Variants in ANKRD28 observed in about 807,000 individuals in gnomAD.
ANKRD28 encodes the protein serine/threonine-protein phosphatase 6 regulatory ankyrin repeat subunit A.
In ANKRD28, 44 loss-of-function variants were observed where a neutral mutation model predicts 126.5. The observed-to-expected ratio is 0.35, with a 90% CI of 0.27 to 0.45. The LOEUF is 0.45. ANKRD28 is among the 20% of genes least tolerant of loss of function. The pLI, the probability that ANKRD28 is intolerant of heterozygous loss-of-function variation, is 1.00. For synonymous variants in ANKRD28, 442 were observed against 468.5 expected, an observed-to-expected ratio of 0.94 and a Z score of 0.73; for missense variants, 1,110 against 1,316.6, an observed-to-expected ratio of 0.84 and a Z score of 2.43.
intron 3 of ANKRD28, among the ~76,000 whole-genome samples, chr3:15,763,761 G>T (rs967388000): frequency 1.3e-5 from 2 of 152,152 alleles, no homozygotes; most frequent in Non-Finnish European, 2.9e-5. Flanking sequence ...AGGAATTCAA[G>T]TCAGAAGAAA....
intron 4 of ANKRD28, among the ~76,000 whole-genome samples, chr3:15,742,575 G>A (rs1249579995): frequency 8.3e-6 from 1 of 120,792 alleles, no homozygotes; most frequent in Non-Finnish European, 1.7e-5. Flanking sequence ...GAGCATCTCT[G>A]CCCAGCAGCC....
At chr3:15,758,214 G>C (rs1236264845) in intron 3 of ANKRD28, among the ~76,000 whole-genome samples, 3 of 152,176 alleles carry the variant, frequency 2.0e-5, no homozygotes, top group African/African-American at 7.2e-5. Context: ...CCAGTGAGCT[G>C]GGCCAGAAGC....
chr3:15,670,139 G>T lies in ANKRD28; in HGVS notation c.*131C>A. 9.8e-6 allele frequency: 10 copies of T among 1,022,450 alleles called. No homozygotes were observed. The highest frequency in any genetic ancestry group is 1.3e-5 in the Non-Finnish European group (9 of 712,746). 63.3% of individuals were successfully genotyped at this position (1,022,450 alleles called of 1,614,324 possible). On this transcript the variant is annotated 3_prime_UTR_variant, in exon 28 of 28. Coordinates refer to ENST00000683139, the MANE Select transcript of ANKRD28 (RefSeq NM_001349278.2). ...AAAACTCTTCCTCCTAATGCCATCA[G>T]ATCTCTTAACATTGGCTCACTGTGG...
At chr3:15,842,232 G>A (rs11721089) in intron 1 of ANKRD28, among the ~76,000 whole-genome samples, 5,709 of 151,974 alleles carry the variant, frequency 0.038, 166 homozygotes, top group Non-Finnish European at 0.052. Flanking sequence ...CTATAAAAAA[G>A]AATCACAGCC....
chr3:15,678,080 A>C, intron 24 of ANKRD28, 129 bp downstream of exon 24: 1 of 931,770 alleles, frequency 1.1e-6, no homozygotes, highest in South Asian at 2.0e-5. Flanking sequence ...TGTGGATTGC[A>C]AACAGGTAAA....
At chr3:15,751,592 A>G (rs935855218) in intron 4 of ANKRD28, among the ~76,000 whole-genome samples, 158 bp downstream of exon 4, 11 of 152,186 alleles carry the variant, frequency 7.2e-5, no homozygotes, top group Non-Finnish European at 1.5e-4. Context: ...GAAATGAAAC[A>G]ATTAACTTGG....
intron 2 of ANKRD28, among the ~76,000 whole-genome samples, chr3:15,778,739 G>A (rs1213764246): frequency 1.3e-5 from 2 of 152,136 alleles, no homozygotes; most frequent in Non-Finnish European, 2.9e-5. Context: ...TCTGCCAGAT[G>A]ACATAAACTA....
chr3:15,809,817 TTTTG>T (rs1158012149), intron 1 of ANKRD28, among the ~76,000 whole-genome samples: 2 of 152,332 alleles, frequency 1.3e-5, no homozygotes, highest in Non-Finnish European at 1.5e-5. Context: ...TAGTCAACTA[TTTTG>T]TTTGAGTATG....
rs556558303 is a variant in ANKRD28 at position 15,727,178 on chromosome 3, T to C, written c.641-2654A>G. ...AGTAATTTCAACTTTCAAAGTCTTATTATTTAAGAAATAACATTTGAAGTG... is the reference window on the plus strand; with the variant it reads ...AGTAATTTCAACTTTCAAAGTCTTACTATTTAAGAAATAACATTTGAAGTG... On this transcript the variant is annotated intron_variant, in intron 6 of 27. Transcript: ENST00000683139. Among the ~76,000 whole-genome samples the C allele has an allele frequency of 3.3e-5, 5 of 152,332 alleles. No individual in the cohort carries two copies. In the South Asian group the frequency reaches 6.2e-4, roughly 19 times the overall value.
At chr3:15,842,759 A>T (rs1439318841) in intron 1 of ANKRD28, among the ~76,000 whole-genome samples, 1 of 152,170 alleles carries the variant, frequency 6.6e-6, no homozygotes, top group Non-Finnish European at 1.5e-5. Context: ...TAAAACATAA[A>T]TAAAAGTTTG....
intron 2 of ANKRD28, among the ~76,000 whole-genome samples, chr3:15,773,851 A>G (rs1274065385): frequency 6.6e-6 from 1 of 152,184 alleles, no homozygotes; most frequent in Non-Finnish European, 1.5e-5. Flanking sequence ...GTAGAAAGAC[A>G]AACTAAAAAG....
At chr3:15,731,438 A>C (rs1474922000) in intron 6 of ANKRD28, among the ~76,000 whole-genome samples, 1 of 152,224 alleles carries the variant, frequency 6.6e-6, no homozygotes, top group African/African-American at 2.4e-5. Context: ...TTGAAGAGTA[A>C]GCCACACCAG....
At chr3:15,849,692 C>T (rs1250531371) in intron 1 of ANKRD28, among the ~76,000 whole-genome samples, 3 of 152,062 alleles carry the variant, frequency 2.0e-5, no homozygotes, top group Non-Finnish European at 4.4e-5. Context: ...CACCCCTCCC[C>T]AATATATCTC....
At chr3:15,743,612 C>T (rs540503670) in intron 4 of ANKRD28, among the ~76,000 whole-genome samples, 1 of 148,908 alleles carries the variant, frequency 6.7e-6, no homozygotes, top group East Asian at 2.0e-4. Flanking sequence ...AAAACAAAAC[C>T]CAACTCCTAA....
At chr3:15,820,784 A>C (rs919403085) in intron 1 of ANKRD28, among the ~76,000 whole-genome samples, 1 of 152,202 alleles carries the variant, frequency 6.6e-6, no homozygotes, top group South Asian at 2.1e-4. Flanking sequence ...TTATATGATG[A>C]TATCACAAAA....
intron 3 of ANKRD28, among the ~76,000 whole-genome samples, chr3:15,754,892 A>G (rs4684260): frequency 0.82 from 123,988 of 152,120 alleles, 50,670 homozygotes; most frequent in East Asian, 0.93. Flanking sequence ...CAAGGCGGGC[A>G]AATCACCTGA....
chr3:15,827,266 G>T (rs985816657), intron 1 of ANKRD28, among the ~76,000 whole-genome samples: 3 of 152,024 alleles, frequency 2.0e-5, no homozygotes, highest in African/African-American at 7.2e-5. Context: ...CCACTACAGG[G>T]TATATAACCA....
rs543332779 is a variant in ANKRD28, at chr3:15,754,042, G to A, written c.281-2222C>T. On this transcript the variant is annotated intron_variant, in intron 3 of 27. Transcript: ENST00000683139. ...AAAGCAGTAATTGTATGACTAGTAC[G>A]CTTTACTTTTATGTAGAAAAAGGAA... Among the ~76,000 whole-genome samples, 7 of 152,164 alleles carry A rather than the reference G, an allele frequency of 4.6e-5. No individual in the cohort carries two copies. In the South Asian group the frequency reaches 6.2e-4, roughly 14 times the overall value.
At chr3:15,771,880 T>C (rs1039611252) in intron 2 of ANKRD28, among the ~76,000 whole-genome samples, 1 of 152,122 alleles carries the variant, frequency 6.6e-6, no homozygotes, top group South Asian at 2.1e-4. Context: ...TGGAAATAAA[T>C]AACAGAAAGA....
Sources: gnomAD v4.1 joint callset for allele counts (sites outside exome capture counted in the v4.1 genomes callset) on GRCh38, gnomAD v4.1.1 for gene constraint, MANE v1.5 for transcripts, NCBI Gene and HGNC (gene_info 2026-07-23, HGNC 2026-07-21) for gene names.